The following CCDC171 variants were observed in gnomAD, a reference collection of about 807,000 sequenced individuals.
CCDC171 encodes the protein coiled-coil domain-containing protein 171.
A neutral mutation model predicts 168.2 loss-of-function variants in CCDC171; 177 were observed. That is an observed-to-expected ratio of 1.05 (90% CI 0.93 to 1.19). The LOEUF (loss-of-function observed/expected upper bound fraction) is 1.19. Ranked by LOEUF, CCDC171 falls within the 50% of genes most tolerant of loss-of-function variation. The pLI is 0.00. For synonymous variants in CCDC171, 687 were observed against 540.8 expected (o/e 1.27, Z -3.75); for missense variants, 1,991 against 1,539.0 (o/e 1.29, Z -4.91).
intron 7 of CCDC171, among the ~76,000 whole-genome samples, chr9:15,641,778 A>G (rs1393185034): frequency 6.6e-6 from 1 of 152,246 alleles, no homozygotes; most frequent in Non-Finnish European, 1.5e-5. Context: ...ATTTACTAAA[A>G]TAAAAATCTC....
intron 6 of CCDC171, among the ~76,000 whole-genome samples, chr9:15,594,410 T>A (rs922407273): frequency 6.6e-6 from 1 of 152,134 alleles, no homozygotes; most frequent in Non-Finnish European, 1.5e-5. Flanking sequence ...AAGAAGGATG[T>A]ATATATATTT....
At chr9:15,577,818 A>G (rs558375655) in intron 3 of CCDC171, among the ~76,000 whole-genome samples, 4 of 152,322 alleles carry the variant, frequency 2.6e-5, no homozygotes, top group South Asian at 4.1e-4. Context: ...ATCCATAAGG[A>G]TTTGCAGCCA....
At chr9:15,969,105 G>T (rs948880721) in intron 25 of CCDC171, among the ~76,000 whole-genome samples, 3 of 152,134 alleles carry the variant, frequency 2.0e-5, no homozygotes, top group African/African-American at 7.2e-5. Context: ...TCAGAAAATA[G>T]TGTGCAAAAA....
intron 1 of CCDC171, among the ~76,000 whole-genome samples, chr9:16,055,733 A>C (rs781429577): frequency 7.9e-5 from 12 of 152,244 alleles, no homozygotes; most frequent in Non-Finnish European, 1.5e-4. Flanking sequence ...GATGACACAC[A>C]TGTGCCTCCT....
chr9:15,857,827 A>C (rs1398130003), intron 23 of CCDC171, among the ~76,000 whole-genome samples: 1 of 151,900 alleles, frequency 6.6e-6, no homozygotes, highest in African/African-American at 2.4e-5. Context: ...GTCAAGGATC[A>C]ATTGACCATA....
intron 7 of CCDC171, among the ~76,000 whole-genome samples, chr9:15,644,849 C>T (rs2046911940): frequency 6.6e-6 from 1 of 152,234 alleles, no homozygotes; most frequent in South Asian, 2.1e-4. Context: ...CAGCAGAAAC[C>T]TCTGCAGACT....
chr9:15,774,211 A>C (rs1272919670), intron 18 of CCDC171, among the ~76,000 whole-genome samples: 2 of 126,404 alleles, frequency 1.6e-5, no homozygotes, highest in African/African-American at 5.9e-5. Context: ...TCATCATTGC[A>C]CTCCAGCCTG....
chr9:15,869,637 T>C (rs1210693574), intron 23 of CCDC171, among the ~76,000 whole-genome samples: 1 of 151,662 alleles, frequency 6.6e-6, no homozygotes, highest in African/African-American at 2.4e-5. Context: ...TCTACTTGTT[T>C]AACCAGAATT....
chr9:15,565,353 T>G (rs1283551140), intron 2 of CCDC171, among the ~76,000 whole-genome samples: 3 of 152,132 alleles, frequency 2.0e-5, no homozygotes, highest in Non-Finnish European at 4.4e-5. Flanking sequence ...TGTATCAAAG[T>G]TTTTAAATTT....
At chr9:16,093,448 C>A in the CCDC171 span, among the ~76,000 whole-genome samples, 1 of 152,228 alleles carries the variant, frequency 6.6e-6, no homozygotes, top group Non-Finnish European at 1.5e-5. Flanking sequence ...AATACACTTC[C>A]ACTAACATTT....
At chr9:15,598,250 A>C (rs1018198283) in intron 6 of CCDC171, among the ~76,000 whole-genome samples, 3 of 151,706 alleles carry the variant, frequency 2.0e-5, no homozygotes, top group Non-Finnish European at 4.4e-5. Flanking sequence ...TAGGGTGTCA[A>C]TTTTAGATCT....
chr9:15,642,213 T>C (rs571871039), intron 7 of CCDC171, among the ~76,000 whole-genome samples: 3 of 151,552 alleles, frequency 2.0e-5, no homozygotes, highest in African/African-American at 7.3e-5. Flanking sequence ...TAATACAGTG[T>C]AATACCTGTA....
intron 24 of CCDC171, among the ~76,000 whole-genome samples, chr9:15,878,496 G>A (rs534574763): frequency 6.6e-6 from 1 of 152,318 alleles, no homozygotes; most frequent in South Asian, 2.1e-4. Flanking sequence ...TGATGAGGTT[G>A]TGGAGAAAAG....
chr9:15,747,442 T>G (rs12347846), intron 18 of CCDC171, among the ~76,000 whole-genome samples: 13 of 152,168 alleles, frequency 8.5e-5, no homozygotes, highest in African/African-American at 3.1e-4. Context: ...CTGACCCTCG[T>G]GTAGCCTGAC....
intron 7 of CCDC171, among the ~76,000 whole-genome samples, chr9:15,641,744 A>T (rs1440976236): frequency 6.6e-6 from 1 of 152,222 alleles, no homozygotes; most frequent in Non-Finnish European, 1.5e-5. Context: ...ATTACACCAA[A>T]AAAGAGGTAG....
At chr9:15,977,167 T>C (rs1034811033), downstream of CCDC171, among the ~76,000 whole-genome samples, 9 of 152,216 alleles carry the variant, frequency 5.9e-5, no homozygotes, top group African/African-American at 2.2e-4. Context: ...TTGATTGACA[T>C]ATCCAGATAT....
intron 10 of CCDC171, among the ~76,000 whole-genome samples, chr9:15,694,536 C>T (rs184357839): frequency 3.9e-5 from 6 of 152,286 alleles, no homozygotes; most frequent in Admixed American, 3.9e-4. Flanking sequence ...CCCTCTCTAC[C>T]ATCATTATTC....
At chr9:16,099,631 AGG>A in the CCDC171 span, among the ~76,000 whole-genome samples, 1 of 152,222 alleles carries the variant, frequency 6.6e-6, no homozygotes, top group Non-Finnish European at 1.5e-5. Context: ...AGGTGCATGA[AGG>A]GGGCATCCAA....
At chr9:15,773,280 G>A (rs1292698034) in intron 18 of CCDC171, among the ~76,000 whole-genome samples, 3 of 152,060 alleles carry the variant, frequency 2.0e-5, no homozygotes, top group African/African-American at 7.2e-5. Context: ...TTTTGTTAGG[G>A]CTAGATAAAG....
Sources: gnomAD v4.1 joint callset for allele counts (sites outside exome capture counted in the v4.1 genomes callset) on GRCh38, gnomAD v4.1.1 for gene constraint, MANE v1.5 for transcripts, NCBI Gene and HGNC (gene_info 2026-07-23, HGNC 2026-07-21) for gene names.